The following DARS1 variants were observed in gnomAD, a reference collection of about 807,000 sequenced individuals.
DARS1 encodes aspartyl-tRNA synthetase 1, also known as aspartate--tRNA ligase, cytoplasmic.
DARS1 carries 51 observed loss-of-function variants against 68.8 expected under a neutral mutation model. The observed-to-expected ratio is 0.74, with a 90% CI of 0.59 to 0.94. The LOEUF is 0.94. DARS1 is among the 40% of genes least tolerant of loss of function. The pLI, the probability that DARS1 is intolerant of heterozygous loss-of-function variation, is 0.00. For synonymous variants in DARS1, 203 were observed against 190.4 expected, an observed-to-expected ratio of 1.07 and a Z score of -0.55; for missense variants, 607 against 597.3, an observed-to-expected ratio of 1.02 and a Z score of -0.17.
At chr2:135,971,652 T>C (rs1465844563) in intron 3 of DARS1, among the ~76,000 whole-genome samples, 1 of 152,152 alleles carries the variant, frequency 6.6e-6, no homozygotes, top group African/African-American at 2.4e-5. Flanking sequence ...AGTAAAATTA[T>C]CCTTTTTTGT....
chr2:135,976,967 G>A (rs1682515477), intron 3 of DARS1, among the ~76,000 whole-genome samples: 1 of 152,042 alleles, frequency 6.6e-6, no homozygotes, highest in Non-Finnish European at 1.5e-5. Context: ...TATTATATGT[G>A]TATAAAACAC....
chr2:135,953,459 C>T (rs1681893597), intron 4 of DARS1, among the ~76,000 whole-genome samples: 1 of 152,074 alleles, frequency 6.6e-6, no homozygotes, highest in Non-Finnish European at 1.5e-5. Flanking sequence ...GACTTTGTGC[C>T]TTACTTCTCA....
At chr2:135,981,611 C>G (rs1411350577) in intron 2 of DARS1, among the ~76,000 whole-genome samples, 1 of 151,774 alleles carries the variant, frequency 6.6e-6, no homozygotes, top group Non-Finnish European at 1.5e-5. Flanking sequence ...AAGGGATACT[C>G]AACCTGTACT....
intron 7 of DARS1, among the ~76,000 whole-genome samples, chr2:135,927,740 A>G (rs1014036384): frequency 3.3e-5 from 5 of 152,180 alleles, no homozygotes; most frequent in African/African-American, 1.2e-4. Context: ...AATTAATTTT[A>G]GAAAAGCAAA....
At position 135,907,409 on chromosome 2, in the gene DARS1, T is replaced by C; in HGVS notation, c.1415-2A>G. The C allele has an allele frequency of 6.2e-7, 1 of 1,604,918 alleles. No homozygotes were observed. Among genetic ancestry groups the C allele is most frequent in the Non-Finnish European group, 8.5e-7 (1 of 1,173,480 alleles). Reference sequence around the variant, plus strand: ...ACAGCATAGTAACTCGTTCCAATCCTGGGGAAGACAAAAATAATCATTAAT... The same window carrying C: ...ACAGCATAGTAACTCGTTCCAATCCCGGGGAAGACAAAAATAATCATTAAT... On this transcript the variant is annotated splice_acceptor_variant, in intron 15 of 15. Coordinates refer to ENST00000264161, the MANE Select transcript of DARS1 (RefSeq NM_001349.4). LOFTEE classifies it high-confidence loss of function.
chr2:135,909,624 A>G (rs951058654), intron 15 of DARS1, among the ~76,000 whole-genome samples: 38 of 152,100 alleles, frequency 2.5e-4, no homozygotes, highest in Admixed American at 6.6e-5. Context: ...CTCTTTGTCT[A>G]TGGGTTCAAC....
Position 135,979,264 on chromosome 2 carries a change from C to T in DARS1, c.217+10G>A. 8.6e-7 allele frequency: 1 copy of T among 1,163,506 alleles called. No homozygotes were observed. Among genetic ancestry groups the T allele is most frequent in the Non-Finnish European group, 1.3e-6 (1 of 771,852 alleles). 72.1% of individuals were successfully genotyped at this position (1,163,506 alleles called of 1,614,324 possible). ...TACCGAAAGAGCTTTAATAATGAAA[C>T]CAATCCTACCTTTAGCTCTGCTTGT... On this transcript the variant is annotated intron_variant, in intron 3 of 15. Coordinates refer to ENST00000264161, the MANE Select transcript of DARS1 (RefSeq NM_001349.4).
chr2:135,955,812 T>G (rs185053024), intron 4 of DARS1, among the ~76,000 whole-genome samples: 96 of 148,650 alleles, frequency 6.5e-4, no homozygotes, highest in Admixed American at 5.8e-3. Flanking sequence ...CACACCACCA[T>G]GCCTGGCTAA....
chr2:135,927,236 CAAAAG>C (rs909664475), intron 7 of DARS1, among the ~76,000 whole-genome samples: 26 of 152,052 alleles, frequency 1.7e-4, no homozygotes, highest in Admixed American at 1.7e-3. Flanking sequence ...ATGTATATAA[CAAAAG>C]AAAAGTATGT....
At chr2:135,956,325 T>A (rs1223552574) in intron 4 of DARS1, among the ~76,000 whole-genome samples, 3 of 152,182 alleles carry the variant, frequency 2.0e-5, no homozygotes, top group Non-Finnish European at 4.4e-5. Context: ...ATAGAGTCAG[T>A]GGATGGAAAA....
intron 7 of DARS1, among the ~76,000 whole-genome samples, chr2:135,930,271 T>A (rs1381132826): frequency 6.6e-6 from 1 of 152,170 alleles, no homozygotes; most frequent in South Asian, 2.1e-4. Flanking sequence ...CAGAATTACA[T>A]AGTAGGGGCT....
chr2:135,917,771 C>T (rs1558778237), intron 10 of DARS1, among the ~76,000 whole-genome samples: 1 of 151,942 alleles, frequency 6.6e-6, no homozygotes, highest in Admixed American at 6.6e-5. Flanking sequence ...GCACCATGCC[C>T]GGCCTAGAAT....
chr2:135,948,102 C>T (rs896493292), intron 4 of DARS1, among the ~76,000 whole-genome samples: 1 of 152,152 alleles, frequency 6.6e-6, no homozygotes, highest in Non-Finnish European at 1.5e-5. Context: ...TCTTAGCACA[C>T]CTTTAGCATT....
At chr2:135,967,752 TCA>T (rs1004580791) in intron 3 of DARS1, among the ~76,000 whole-genome samples, 2 of 152,206 alleles carry the variant, frequency 1.3e-5, no homozygotes, top group Non-Finnish European at 2.9e-5. Flanking sequence ...ATTTCCTTAT[TCA>T]CAGTTTCTCA....
intron 2 of DARS1, among the ~76,000 whole-genome samples, chr2:135,981,022 A>T (rs1038027190): frequency 2.0e-5 from 3 of 152,206 alleles, no homozygotes; most frequent in African/African-American, 7.2e-5. Flanking sequence ...TTTAAGAGTC[A>T]TGGGCATCAG....
chr2:135,944,214 C>A (rs73957074), intron 4 of DARS1, among the ~76,000 whole-genome samples: 3,465 of 152,042 alleles, frequency 0.023, 130 homozygotes, highest in African/African-American at 0.079. Context: ...TAGTACATAA[C>A]CAAGGAAGAA....
chr2:135,910,655 A>G (rs1558775202), intron 15 of DARS1, among the ~76,000 whole-genome samples: 1 of 152,186 alleles, frequency 6.6e-6, no homozygotes. Context: ...CCCAAAACAA[A>G]CAACAAATAA....
chr2:135,940,089 G>A (rs1681563127), intron 5 of DARS1, among the ~76,000 whole-genome samples: 1 of 152,158 alleles, frequency 6.6e-6, no homozygotes, highest in Non-Finnish European at 1.5e-5. Flanking sequence ...ACAAAGAGGA[G>A]CTGGTACCAT....
At chr2:135,953,235 G>A (rs1337677989) in intron 4 of DARS1, among the ~76,000 whole-genome samples, 1 of 152,228 alleles carries the variant, frequency 6.6e-6, no homozygotes, top group Non-Finnish European at 1.5e-5. Context: ...TGTTGATGGA[G>A]CAATTCTAGG....
Sources: gnomAD v4.1 joint callset for allele counts (sites outside exome capture counted in the v4.1 genomes callset) on GRCh38, gnomAD v4.1.1 for gene constraint, MANE v1.5 for transcripts, NCBI Gene and HGNC (gene_info 2026-07-23, HGNC 2026-07-21) for gene names.